MAGI1: variants seen among roughly 807,000 people sequenced by gnomAD.
MAGI1 encodes the protein membrane associated guanylate kinase, WW and PDZ domain containing 1, also known as membrane-associated guanylate kinase, WW and PDZ domain-containing protein 1.
A neutral mutation model predicts 139.9 loss-of-function variants in MAGI1; 58 were observed. That is an observed-to-expected ratio of 0.41 (90% confidence interval 0.34 to 0.52). The LOEUF (loss-of-function observed/expected upper bound fraction) is 0.52. Among genes scored for constraint, MAGI1 ranks in the 20% least tolerant of loss-of-function variants. MAGI1 has a pLI of 0.12. For missense variants in MAGI1, 1,874 were observed against 1,901.6 expected (o/e 0.99, Z 0.27); for synonymous variants, 812 against 737.9 (o/e 1.10, Z -1.63).
intron 3 of MAGI1, among the ~76,000 whole-genome samples, chr3:65,481,254 T>C (rs1365405869): frequency 6.6e-6 from 1 of 152,188 alleles, no homozygotes; most frequent in Non-Finnish European, 1.5e-5. Context: ...CATGTGTCTT[T>C]AGGGGCTAAC....
At chr3:66,001,138 GCCCC>G (rs2066716204) in intron 1 of MAGI1, among the ~76,000 whole-genome samples, 1 of 152,116 alleles carries the variant, frequency 6.6e-6, no homozygotes, top group South Asian at 2.1e-4. Flanking sequence ...CCCAGAGAAG[GCCCC>G]TAAGTATTTG....
intron 1 of MAGI1, among the ~76,000 whole-genome samples, chr3:65,850,191 A>C (rs1163446280): frequency 6.6e-6 from 1 of 152,166 alleles, no homozygotes; most frequent in East Asian, 1.9e-4. Flanking sequence ...ACATACTAAG[A>C]GTTTGAACCC....
intron 12 of MAGI1, among the ~76,000 whole-genome samples, chr3:65,422,827 G>A (rs1425913219): frequency 1.3e-5 from 2 of 152,074 alleles, no homozygotes; most frequent in East Asian, 3.9e-4. Flanking sequence ...TGGCTACCTG[G>A]GAGAAGAAAA....
Position 65,360,345 on chromosome 3 carries a change from C to T in MAGI1, c.3634+854G>A, listed in dbSNP as rs923096533. ...AAAAAGCCCTACATCTAGGGCATAG[C>T]TTCTTCTTTTTTTTTTTTTTTTTAA... On this transcript the variant is annotated intron_variant, in intron 22 of 22. Transcript: ENST00000402939. 2.0e-5 allele frequency: 19 copies of T among 973,160 alleles called. No individual in the cohort carries two copies. In the African/African-American group the frequency reaches 3.2e-4, roughly 16 times the overall value. The allele number at this position is 973,160 out of a possible 1,614,324, so 60.3% of individuals were successfully genotyped here.
At chr3:65,610,453 A>G (rs1234603398) in intron 2 of MAGI1, among the ~76,000 whole-genome samples, 2 of 152,038 alleles carry the variant, frequency 1.3e-5, no homozygotes, top group Non-Finnish European at 2.9e-5. Context: ...GTCATATTAT[A>G]CATTTAAAGA....
intron 1 of MAGI1, among the ~76,000 whole-genome samples, chr3:65,989,407 T>A (rs972554987): frequency 5.9e-5 from 9 of 152,204 alleles, no homozygotes; most frequent in Non-Finnish European, 1.2e-4. Context: ...TTTTTTTATA[T>A]CTTCCCACAT....
intron 2 of MAGI1, among the ~76,000 whole-genome samples, chr3:65,527,751 A>C (rs2078454121): frequency 6.6e-6 from 1 of 151,886 alleles, no homozygotes; most frequent in African/African-American, 2.4e-5. Flanking sequence ...AATAAAAAAT[A>C]AAAACAAAAA....
intron 1 of MAGI1, among the ~76,000 whole-genome samples, chr3:65,955,481 A>G (rs748424935): frequency 6.6e-6 from 1 of 152,202 alleles, no homozygotes; most frequent in Non-Finnish European, 1.5e-5. Context: ...AAGCAGGGCA[A>G]ATGAAGCAGG....
intron 1 of MAGI1, among the ~76,000 whole-genome samples, chr3:65,797,749 A>C (rs1188798463): frequency 6.6e-6 from 1 of 152,144 alleles, no homozygotes; most frequent in African/African-American, 2.4e-5. Context: ...GTTTCTATAA[A>C]TACTAATATT....
At chr3:65,991,369 A>G (rs1195796547) in intron 1 of MAGI1, among the ~76,000 whole-genome samples, 4 of 152,050 alleles carry the variant, frequency 2.6e-5, no homozygotes, top group African/African-American at 9.7e-5. Context: ...AAACTCATGA[A>G]GCTGGTTTCC....
chr3:65,694,709 C>T (rs146532647), intron 1 of MAGI1, among the ~76,000 whole-genome samples: 1 of 152,202 alleles, frequency 6.6e-6, no homozygotes, highest in African/African-American at 2.4e-5. Context: ...AACTTGTACT[C>T]CTGTGACTAA....
rs1338393176 is a variant in MAGI1 at position 65,363,956 on chromosome 3, G to T, written c.3352-348C>A. Among the ~76,000 whole-genome samples, 6 of 152,030 alleles carry T rather than the reference G, an allele frequency of 3.9e-5. No individual in the cohort carries two copies. The East Asian group carries it at 1.2e-3, about 29-fold the overall frequency. ...GACCTGTGTCCAATAAATGCTGGCT[G>T]TGCCCATCATGAGGATACCAACAAA... On this transcript the variant is annotated intron_variant, in intron 20 of 22. Coordinates refer to ENST00000402939, the MANE Select transcript of MAGI1 (RefSeq NM_001033057.2).
chr3:65,660,523 T>C (rs1269553483), intron 1 of MAGI1, among the ~76,000 whole-genome samples: 1 of 152,204 alleles, frequency 6.6e-6, no homozygotes, highest in Non-Finnish European at 1.5e-5. Flanking sequence ...TTACACAAAG[T>C]GATGGTCCTC....
chr3:65,922,868 A>G (rs2108745478), intron 1 of MAGI1, among the ~76,000 whole-genome samples: 1 of 152,328 alleles, frequency 6.6e-6, no homozygotes, highest in Admixed American at 6.5e-5. Flanking sequence ...TCCTTCCTAT[A>G]GTCTTTAGAA....
chr3:65,390,811 C>T (rs1163484827), intron 14 of MAGI1, among the ~76,000 whole-genome samples: 1 of 152,230 alleles, frequency 6.6e-6, no homozygotes, highest in Non-Finnish European at 1.5e-5. Context: ...CAGATTTGTG[C>T]TCAGAGCACA....
chr3:65,719,142 A>C lies in MAGI1; in HGVS notation c.314-97054T>G, dbSNP rs140389225. 7.9e-5 allele frequency among the ~76,000 whole-genome samples: 12 copies of C among 152,226 alleles called. No homozygotes were observed. The East Asian group carries it at 2.3e-3, about 29-fold the overall frequency. ...ATTGTGTATTAATAACAAAAGCATC[A>C]GAAGACAGATAAATACAAAGAGATC... On this transcript the variant is annotated intron_variant, in intron 1 of 22. Coordinates refer to ENST00000402939, the MANE Select transcript of MAGI1 (RefSeq NM_001033057.2).
At chr3:65,704,111 T>C (rs2089798218) in intron 1 of MAGI1, among the ~76,000 whole-genome samples, 1 of 152,140 alleles carries the variant, frequency 6.6e-6, no homozygotes, top group Admixed American at 6.5e-5. Flanking sequence ...CAATCCACTA[T>C]TCCCTTTTAC....
intron 14 of MAGI1, 127 bp downstream of exon 14, chr3:65,391,015 T>C (rs1481432476): frequency 1.3e-6 from 1 of 764,038 alleles, no homozygotes; most frequent in South Asian, 1.8e-5. Context: ...TGTGATACTT[T>C]TGCATCTTGC....
chr3:65,756,542 C>G (rs1363325537), intron 1 of MAGI1, among the ~76,000 whole-genome samples: 2 of 152,126 alleles, frequency 1.3e-5, no homozygotes, highest in Admixed American at 1.3e-4. Flanking sequence ...ATATGTTCAT[C>G]CCAGCGTCTG....
Sources: allele counts gnomAD v4.1 joint callset (sites outside exome capture counted in the v4.1 genomes callset), GRCh38; gene constraint gnomAD v4.1.1; transcripts MANE v1.5; gene names NCBI Gene and HGNC (gene_info 2026-07-23, HGNC 2026-07-21).